GRIK2: variants seen among roughly 807,000 people sequenced by gnomAD.
The protein encoded by GRIK2 is glutamate receptor ionotropic, kainate 2.
In GRIK2, 32 loss-of-function variants were observed where a neutral mutation model predicts 100.3. The observed-to-expected ratio is 0.32, with a 90% CI of 0.24 to 0.43. The LOEUF (loss-of-function observed/expected upper bound fraction) is 0.43, where lower values mean the gene tolerates loss of function less well. Ranked by LOEUF, GRIK2 falls within the 20% of genes least tolerant of loss-of-function variation. The pLI is 1.00. For synonymous variants in GRIK2, 417 were observed against 389.4 expected, an observed-to-expected ratio of 1.07 and a Z score of -0.83; for missense variants, 843 against 1,114.9, an observed-to-expected ratio of 0.76 and a Z score of 3.47.
At chr6:101,491,412 A>T (rs1007246034) in intron 2 of GRIK2, among the ~76,000 whole-genome samples, 2 of 152,080 alleles carry the variant, frequency 1.3e-5, no homozygotes, top group Non-Finnish European at 2.9e-5. Context: ...TGAGCCCTAG[A>T]AATTTGGCCG....
chr6:101,488,002 T>A (rs1328525066), intron 2 of GRIK2, among the ~76,000 whole-genome samples: 1 of 146,600 alleles, frequency 6.8e-6, no homozygotes, highest in Admixed American at 6.8e-5. Context: ...TTCAGATGGA[T>A]GTCAACTATA....
chr6:101,942,402 G>A (rs1400385096), intron 14 of GRIK2, among the ~76,000 whole-genome samples: 1 of 152,160 alleles, frequency 6.6e-6, no homozygotes, highest in Non-Finnish European at 1.5e-5. Flanking sequence ...ACTAGGTAAC[G>A]GGAAGAGATT....
At chr6:101,555,233 A>G (rs1192237264) in intron 2 of GRIK2, among the ~76,000 whole-genome samples, 2 of 152,332 alleles carry the variant, frequency 1.3e-5, no homozygotes, top group East Asian at 3.9e-4. Context: ...TCTTCAGAGT[A>G]AATGAGCTTT....
intron 4 of GRIK2, among the ~76,000 whole-genome samples, chr6:101,645,907 CTTTA>C (rs1463812538): frequency 6.6e-6 from 1 of 151,836 alleles, no homozygotes; most frequent in African/African-American, 2.4e-5. Context: ...AAAAATTTAT[CTTTA>C]TTTTTGAAGG....
At chr6:101,412,178 A>G (rs954885910) in intron 2 of GRIK2, among the ~76,000 whole-genome samples, 19 of 152,178 alleles carry the variant, frequency 1.2e-4, no homozygotes, top group Admixed American at 3.9e-4. Flanking sequence ...TGGTGCTGAG[A>G]CATAAAATGT....
intron 7 of GRIK2, among the ~76,000 whole-genome samples, chr6:101,755,432 G>A (rs543726798): frequency 6.6e-6 from 1 of 152,194 alleles, no homozygotes; most frequent in Non-Finnish European, 1.5e-5. Context: ...CTCCCAAAGT[G>A]CTGGGATTAT....
chr6:101,396,689 G>A (rs989768464), intron 1 of GRIK2, among the ~76,000 whole-genome samples: 34 of 151,922 alleles, frequency 2.2e-4, no homozygotes, highest in Admixed American at 9.2e-4. Context: ...TATCATGTTA[G>A]TTATTTATTG....
intron 15 of GRIK2, among the ~76,000 whole-genome samples, chr6:102,044,405 C>A (rs1256403327): frequency 2.6e-5 from 4 of 151,996 alleles, no homozygotes; most frequent in African/African-American, 4.8e-5. Context: ...TAAAGACATA[C>A]CCAAGACGGG....
At chr6:101,776,424 T>G (rs1778751124) in intron 7 of GRIK2, among the ~76,000 whole-genome samples, 1 of 152,116 alleles carries the variant, frequency 6.6e-6, no homozygotes, top group Non-Finnish European at 1.5e-5. Flanking sequence ...GACAGACAAA[T>G]AAGGGTTATG....
chr6:101,583,453 T>C (rs1386127959), intron 2 of GRIK2, among the ~76,000 whole-genome samples: 1 of 152,156 alleles, frequency 6.6e-6, no homozygotes, highest in Non-Finnish European at 1.5e-5. Flanking sequence ...CATGTGTAGC[T>C]ACATTATAAA....
intron 14 of GRIK2, among the ~76,000 whole-genome samples, chr6:101,978,907 G>A (rs1297594291): frequency 6.6e-6 from 1 of 151,872 alleles, no homozygotes; most frequent in Non-Finnish European, 1.5e-5. Flanking sequence ...CTACTTAATG[G>A]CAGACAAATG....
At chr6:101,965,734 G>A (rs1792626055) in intron 14 of GRIK2, among the ~76,000 whole-genome samples, 1 of 151,994 alleles carries the variant, frequency 6.6e-6, no homozygotes, top group Admixed American at 6.6e-5. Flanking sequence ...GAAGTCTGTG[G>A]AATTGGTTAA....
At chr6:101,681,023 A>G (rs1771205346) in intron 5 of GRIK2, among the ~76,000 whole-genome samples, 2 of 152,174 alleles carry the variant, frequency 1.3e-5, no homozygotes, top group African/African-American at 2.4e-5. Context: ...ACAAATATCT[A>G]TTCCTTCTTA....
intron 10 of GRIK2, among the ~76,000 whole-genome samples, chr6:101,848,540 A>G (rs1783936354): frequency 6.6e-6 from 1 of 152,140 alleles, no homozygotes; most frequent in African/African-American, 2.4e-5. Flanking sequence ...AATACATCCA[A>G]AATATTTATA....
rs929796872 is a variant in GRIK2 at position 101,804,919 on chromosome 6, A to G, written c.1203+2481A>G. On this transcript the variant is annotated intron_variant, in intron 9 of 16. Coordinates refer to ENST00000369134, the MANE Select transcript of GRIK2 (RefSeq NM_021956.5). Reference sequence around the variant, plus strand: ...AGGAACAAAATGCTGCTAAGTAGCAAAAAGTCCTCATTTTAAATTTAGTAG... The same window carrying G: ...AGGAACAAAATGCTGCTAAGTAGCAGAAAGTCCTCATTTTAAATTTAGTAG... 3.3e-5 allele frequency among the ~76,000 whole-genome samples: 5 copies of G among 152,000 alleles called. No individual in the cohort carries two copies. The East Asian group carries it at 7.7e-4, about 24-fold the overall frequency.
At chr6:101,795,973 G>GA (rs1391887067) in intron 7 of GRIK2, among the ~76,000 whole-genome samples, 1 of 152,080 alleles carries the variant, frequency 6.6e-6, no homozygotes, top group African/African-American at 2.4e-5. Context: ...ATGTATTTAT[G>GA]AAAAAATTAT....
At chr6:101,417,055 A>G (rs1378921386) in intron 2 of GRIK2, among the ~76,000 whole-genome samples, 1 of 152,226 alleles carries the variant, frequency 6.6e-6, no homozygotes, top group Non-Finnish European at 1.5e-5. Flanking sequence ...TAATTGACTC[A>G]CAGTTCCACA....
intron 4 of GRIK2, among the ~76,000 whole-genome samples, chr6:101,663,119 A>G (rs73510622): frequency 0.059 from 8,937 of 152,208 alleles, 858 homozygotes; most frequent in African/African-American, 0.2. Context: ...GCAACATAAA[A>G]CATCATAAGC....
chr6:101,726,810 T>C (rs1270679811), intron 7 of GRIK2, among the ~76,000 whole-genome samples: 1 of 152,062 alleles, frequency 6.6e-6, no homozygotes, highest in Non-Finnish European at 1.5e-5. Context: ...AATAAGTTTA[T>C]GTTTCTAAAT....
Sources: gnomAD v4.1 joint callset for allele counts (sites outside exome capture counted in the v4.1 genomes callset) on GRCh38, gnomAD v4.1.1 for gene constraint, MANE v1.5 for transcripts, NCBI Gene and HGNC (gene_info 2026-07-23, HGNC 2026-07-21) for gene names.